Variants in DRD3 observed in about 807,000 individuals in gnomAD.
DRD3 encodes the protein D(3) dopamine receptor.
Under a neutral mutation model 36.3 loss-of-function variants are expected in DRD3, and 19 were observed. That is an observed-to-expected ratio of 0.52 (90% CI 0.36 to 0.77). DRD3 has a LOEUF of 0.77. DRD3 is among the 30% of genes least tolerant of loss of function. DRD3 has a pLI of 0.00. For missense variants in DRD3, 465 were observed against 505.3 expected (o/e 0.92, Z 0.77); for synonymous variants, 195 against 203.7 (o/e 0.96, Z 0.36).
intron 2 of DRD3, among the ~76,000 whole-genome samples, chr3:114,166,041 A>C (rs963337032): frequency 6.9e-6 from 1 of 145,762 alleles, no homozygotes; most frequent in Non-Finnish European, 1.5e-5. Flanking sequence ...GCTGGAGTGC[A>C]GTGGCACAAT....
intron 3 of DRD3, among the ~76,000 whole-genome samples, chr3:114,157,014 C>A (rs2399501): frequency 0.9 from 123,116 of 137,028 alleles, 55,349 homozygotes; most frequent in Non-Finnish European, 0.93. Context: ...CTCTCTCTTT[C>A]TTTCTTTCTT....
chr3:114,186,897 C>A (rs369299473), intron 1 of DRD3, among the ~76,000 whole-genome samples: 33 of 152,210 alleles, frequency 2.2e-4, no homozygotes, highest in Middle Eastern at 6.8e-3. Context: ...TTTTAGTGCT[C>A]CCCCTGGAAA....
In DRD3 at chr3:114,171,724, T is replaced by C; in HGVS notation, c.269A>G (p.Glu90Gly). 1 of 1,598,334 alleles carries C rather than the reference T, an allele frequency of 6.3e-7. No individual in the cohort carries two copies. Among genetic ancestry groups the C allele is most frequent in the Non-Finnish European group, 8.5e-7 (1 of 1,171,846 alleles). ...AACATGCACCTGAAGTCTACTCACC[T>C]CCAGGTATACCACCCAGGGCATCAC... ...TLVMPWVVYL[E>G]VTGGVWNFSR... The change falls in exon 2 of 7, where the codon GAG becomes GGG. Residue 90 changes from glutamate (E) to glycine (G), a missense_variant and splice_region_variant. Glu to Gly is a moderately conservative substitution (Grantham distance 98). Transcript: ENST00000383673.
At chr3:114,166,576 T>TG (rs2077787215) in intron 2 of DRD3, among the ~76,000 whole-genome samples, 1 of 152,198 alleles carries the variant, frequency 6.6e-6, no homozygotes, top group South Asian at 2.1e-4. Flanking sequence ...GGAGGCCTCT[T>TG]GATCTTAGAC....
chr3:114,171,704 G>A lies in DRD3; in HGVS notation c.270+19C>T. ...ACTAGCACAGTCATAGAGACAACATGCACCTGAAGTCTACTCACCTCCAGG... is the reference window on the plus strand; with the variant it reads ...ACTAGCACAGTCATAGAGACAACATACACCTGAAGTCTACTCACCTCCAGG... On this transcript the variant is annotated intron_variant, in intron 2 of 6. Coordinates refer to ENST00000383673, the MANE Select transcript of DRD3 (RefSeq NM_000796.6). 1.9e-6 allele frequency: 3 copies of A among 1,566,878 alleles called. No individual in the cohort carries two copies. The highest frequency in any genetic ancestry group is 4.6e-5 in the East Asian group (2 of 43,800).
In DRD3 at chr3:114,133,531, A is replaced by G. The variant is rs1366904785; in HGVS notation, c.724-2131T>C. Among the ~76,000 whole-genome samples, 14 of 29,706 alleles carry G rather than the reference A, an allele frequency of 4.7e-4. No homozygotes were observed. In the Admixed American group the frequency reaches 6.2e-3, roughly 13 times the overall value. The allele number at this position is 29,706 out of a possible 152,430, so 19.5% of individuals were successfully genotyped here. Reference sequence around the variant, plus strand: ...TAATAGAAATTAAAAAAAAAAAAAGAAAACCCAGGATTTTCTTCTCAGCTC... The same window carrying G: ...TAATAGAAATTAAAAAAAAAAAAAGGAAACCCAGGATTTTCTTCTCAGCTC... On this transcript the variant is annotated intron_variant, in intron 5 of 6. Transcript: ENST00000383673.
At chr3:114,162,671 AG>A (rs2077744995) in intron 2 of DRD3, among the ~76,000 whole-genome samples, 1 of 152,234 alleles carries the variant, frequency 6.6e-6, no homozygotes, top group Admixed American at 6.5e-5. Flanking sequence ...AAGCTTAGAA[AG>A]AATAAGCACT....
upstream of DRD3, among the ~76,000 whole-genome samples, chr3:114,183,058 A>C (rs1042746957): frequency 3.3e-5 from 5 of 152,156 alleles, no homozygotes; most frequent in African/African-American, 1.2e-4. Context: ...TAATTTTTTG[A>C]GGTACTACCA....
chr3:114,186,724 C>A (rs775719102), intron 1 of DRD3, among the ~76,000 whole-genome samples: 1 of 152,218 alleles, frequency 6.6e-6, no homozygotes, highest in Non-Finnish European at 1.5e-5. Context: ...ATTTACCATT[C>A]AAGGCTTCTC....
intron 2 of DRD3, among the ~76,000 whole-genome samples, chr3:114,164,620 G>A (rs1307294574): frequency 6.6e-6 from 1 of 152,166 alleles, no homozygotes. Context: ...ACACTGGTCT[G>A]GGGTTAAGGG....
At chr3:114,135,586 G>A (rs1487374824) in intron 5 of DRD3, among the ~76,000 whole-genome samples, 3 of 152,072 alleles carry the variant, frequency 2.0e-5, no homozygotes, top group African/African-American at 7.2e-5. Context: ...TTGGTTTTTA[G>A]TTTGATGGCA....
chr3:114,131,941 C>T lies in DRD3; in HGVS notation c.724-541G>A, dbSNP rs142040385. 2.1e-4 allele frequency among the ~76,000 whole-genome samples: 32 copies of T among 152,214 alleles called. No individual in the cohort carries two copies. The East Asian group carries it at 3.7e-3, about 17-fold the overall frequency. On this transcript the variant is annotated intron_variant, in intron 5 of 6. Coordinates refer to ENST00000383673, the MANE Select transcript of DRD3 (RefSeq NM_000796.6). ...ATGTTGGTGAGGATGAGAATAGGCA[C>T]GCTTTTACACTGTTGGTGGGAGTGT...
Position 114,154,223 on chromosome 3 carries a change from TC to T in DRD3, c.383+5531del, listed in dbSNP as rs112606563. On this transcript the variant is annotated intron_variant, in intron 3 of 6. Coordinates refer to ENST00000383673, the MANE Select transcript of DRD3 (RefSeq NM_000796.6). ...GAGCAGGATGTTGCCCCTTCTGACT[TC>T]CGGTCCTATGAGCAGGATCTATATG... is the stretch of plus-strand genomic sequence containing the variant. Among the ~76,000 whole-genome samples the T allele has an allele frequency of 4.0e-3, 607 of 152,298 alleles. 2 individuals carry two copies. Among genetic ancestry groups the T allele is most frequent in the African/African-American group, 0.013 (561 of 41,572 alleles).
intron 1 of DRD3, among the ~76,000 whole-genome samples, chr3:114,195,763 G>C (rs541313847): frequency 1.3e-3 from 191 of 152,168 alleles, no homozygotes; most frequent in Non-Finnish European, 2.4e-3. Flanking sequence ...AATATTATAA[G>C]ACTTTAAACT....
intron 1 of DRD3, among the ~76,000 whole-genome samples, chr3:114,194,567 C>T (rs2078027313): frequency 6.6e-6 from 1 of 152,196 alleles, no homozygotes; most frequent in African/African-American, 2.4e-5. Flanking sequence ...CAAGTGTGAG[C>T]CACTGCAGGT....
intron 3 of DRD3, among the ~76,000 whole-genome samples, chr3:114,153,922 G>T (rs1218916214): frequency 6.6e-6 from 1 of 152,136 alleles, no homozygotes; most frequent in Non-Finnish European, 1.5e-5. Flanking sequence ...CATAGTACAT[G>T]CTAAATAAAT....
intron 1 of DRD3, among the ~76,000 whole-genome samples, chr3:114,196,527 C>G (rs56755272): frequency 0.056 from 8,501 of 152,250 alleles, 274 homozygotes; most frequent in Middle Eastern, 0.078. Context: ...CATGGAATGA[C>G]TGGGTCCTGT....
chr3:114,159,996 C>T lies in DRD3; in HGVS notation c.271-129G>A, dbSNP rs958113454. On this transcript the variant is annotated intron_variant, in intron 2 of 6. Coordinates refer to ENST00000383673, the MANE Select transcript of DRD3 (RefSeq NM_000796.6). ...TCCTACTCCCTGTGTACCGTTGTTCCCACAGGGCAGATGGACATCAAGGGA... is the reference window on the plus strand; with the variant it reads ...TCCTACTCCCTGTGTACCGTTGTTCTCACAGGGCAGATGGACATCAAGGGA... 7.9e-6 allele frequency: 6 copies of T among 758,406 alleles called. No individual in the cohort carries two copies. The Admixed American group carries it at 1.3e-4, about 16-fold the overall frequency. 47.0% of individuals were successfully genotyped at this position (758,406 alleles called of 1,614,324 possible). A position where few individuals can be genotyped will look rare whatever the true frequency, so the allele number is the denominator to read the frequency against.
intron 1 of DRD3, among the ~76,000 whole-genome samples, chr3:114,195,192 T>G (rs2078030715): frequency 6.6e-6 from 1 of 152,172 alleles, no homozygotes; most frequent in Non-Finnish European, 1.5e-5. Context: ...CAGTAAAACA[T>G]TTTCTTGAGG....
Sources: allele counts gnomAD v4.1 joint callset (sites outside exome capture counted in the v4.1 genomes callset), GRCh38; gene constraint gnomAD v4.1.1; transcripts MANE v1.5; gene names NCBI Gene and HGNC (gene_info 2026-07-23, HGNC 2026-07-21).